Variants in DGKG observed in about 807,000 individuals in gnomAD.
The protein encoded by DGKG is diacylglycerol kinase gamma, also known as DAG kinase gamma.
DGKG carries 78 observed loss-of-function variants against 105.3 expected under a neutral mutation model. That is an observed-to-expected ratio of 0.74 (90% CI 0.62 to 0.89). The LOEUF is 0.89. Among genes scored for constraint, DGKG ranks in the 40% least tolerant of loss-of-function variants. The probability of loss-of-function intolerance (pLI) is 0.00; values close to 1 mark genes in which losing one functional copy is unlikely to be tolerated. For missense variants in DGKG, 958 were observed against 1,020.1 expected, an observed-to-expected ratio of 0.94 and a Z score of 0.83; for synonymous variants, 346 against 367.1, an observed-to-expected ratio of 0.94 and a Z score of 0.66.
intron 2 of DGKG, among the ~76,000 whole-genome samples, chr3:186,318,578 G>A (rs1193535578): frequency 6.6e-6 from 1 of 152,104 alleles, no homozygotes; most frequent in Non-Finnish European, 1.5e-5. Context: ...AGTCATGACC[G>A]AATGGGGGGA....
chr3:186,280,569 T>C, intron 8 of DGKG, 101 bp downstream of exon 8: 1 of 893,468 alleles, frequency 1.1e-6, no homozygotes, highest in Non-Finnish European at 1.8e-6. Context: ...AAGATGAGTC[T>C]GGGAGCACCT....
At chr3:186,193,787 C>T (rs1229578362) in intron 21 of DGKG, among the ~76,000 whole-genome samples, 1 of 152,258 alleles carries the variant, frequency 6.6e-6, no homozygotes, top group East Asian at 1.9e-4. Context: ...GGCCCCCTCC[C>T]CCTGCTCCGG....
intron 1 of DGKG, among the ~76,000 whole-genome samples, chr3:186,340,099 T>C (rs1355733751): frequency 1.3e-5 from 2 of 152,156 alleles, no homozygotes; most frequent in African/African-American, 4.8e-5. Context: ...CCCTTGAGTG[T>C]CCTCATAAAA....
chr3:186,182,104 C>T (rs1560083863), intron 22 of DGKG, among the ~76,000 whole-genome samples: 1 of 152,256 alleles, frequency 6.6e-6, no homozygotes, highest in Non-Finnish European at 1.5e-5. Context: ...CCTCCCCTTG[C>T]TTCACTGGAC....
At chr3:186,350,089 C>A (rs1726554756) in intron 1 of DGKG, among the ~76,000 whole-genome samples, 1 of 152,014 alleles carries the variant, frequency 6.6e-6, no homozygotes, top group South Asian at 2.1e-4. Flanking sequence ...GGGACTTCAT[C>A]ATGTTGGCCA....
intron 13 of DGKG, among the ~76,000 whole-genome samples, chr3:186,265,806 G>A (rs1427989868): frequency 6.6e-6 from 1 of 151,816 alleles, no homozygotes; most frequent in Non-Finnish European, 1.5e-5. Flanking sequence ...GGGACTACAG[G>A]TGCGTGCCAC....
intron 6 of DGKG, among the ~76,000 whole-genome samples, chr3:186,288,376 C>T (rs1558909): frequency 0.54 from 82,470 of 152,038 alleles, 22,515 homozygotes; most frequent in East Asian, 0.79. Flanking sequence ...GAGGAGGTAG[C>T]AGTTTTCTGA....
At chr3:186,240,750 C>T (rs1012895331) in intron 20 of DGKG, among the ~76,000 whole-genome samples, 8 of 149,570 alleles carry the variant, frequency 5.3e-5, no homozygotes, top group Admixed American at 4.7e-4. Context: ...GTGGAAGTTG[C>T]AGTGAGCCAA....
In DGKG at chr3:186,149,563, C is replaced by T. The variant is rs963750675; in HGVS notation, c.*527G>A. 1.5e-5 allele frequency: 15 copies of T among 985,466 alleles called. No individual in the cohort carries two copies. Among genetic ancestry groups the T allele is most frequent in the East Asian group, 1.1e-4 (1 of 8,832 alleles). 61.0% of individuals were successfully genotyped at this position (985,466 alleles called of 1,614,324 possible). On this transcript the variant is annotated 3_prime_UTR_variant, in exon 25 of 25. Coordinates refer to ENST00000265022, the MANE Select transcript of DGKG (RefSeq NM_001346.3). Reference sequence around the variant, plus strand: ...AAAGGACGACCAAGAAACCAACGTGCGCCTGCTGAGCCCTGCCAAGGATTA... The same window carrying T: ...AAAGGACGACCAAGAAACCAACGTGTGCCTGCTGAGCCCTGCCAAGGATTA...
In DGKG at chr3:186,298,214, C is replaced by T. The variant is rs1723692207; in HGVS notation, c.160G>A (p.Val54Ile). The change falls in exon 4 of 25, where the codon GTC becomes ATC. Residue 54 changes from valine (V) to isoleucine (I), a missense_variant. By Grantham distance (29) the Val-to-Ile change is conservative. Transcript: ENST00000265022. The stretch of plus-strand genomic sequence containing the variant: ...TACGCCCTCATGAACAGCTTGAAGA[C>T]ATCATAGCTAATCGGCTGAGAAGGG... ...YDPHEPISYD[V>I]FKLFMRAYLE... 8 of 1,603,008 alleles carry T rather than the reference C, an allele frequency of 5.0e-6. No individual in the cohort carries two copies. The highest frequency in any genetic ancestry group is 2.2e-5 in the East Asian group (1 of 44,604).
At chr3:186,195,621 G>A (rs1188937163) in intron 21 of DGKG, among the ~76,000 whole-genome samples, 1 of 152,130 alleles carries the variant, frequency 6.6e-6, no homozygotes, top group Non-Finnish European at 1.5e-5. Context: ...GATTCAAGAG[G>A]TCTGGGTGCG....
intron 5 of DGKG, among the ~76,000 whole-genome samples, chr3:186,294,532 G>C (rs1257683546): frequency 1.1e-5 from 1 of 88,848 alleles, no homozygotes; most frequent in Non-Finnish European, 2.2e-5. Flanking sequence ...GTGAAACTCT[G>C]TCTCAAAAAA....
intron 2 of DGKG, among the ~76,000 whole-genome samples, chr3:186,317,459 A>G (rs1191573427): frequency 6.6e-6 from 1 of 152,316 alleles, no homozygotes; most frequent in East Asian, 1.9e-4. Flanking sequence ...CTTAGAAAGC[A>G]GGATTCCCCA....
At chr3:186,151,678 T>C (rs11927327) in intron 24 of DGKG, among the ~76,000 whole-genome samples, 19,665 of 152,180 alleles carry the variant, frequency 0.13, 3,903 homozygotes, top group African/African-American at 0.43. Flanking sequence ...TGGCATTCTG[T>C]GCTGGAGAAT....
At chr3:186,286,411 G>C (rs758017726) in intron 6 of DGKG, among the ~76,000 whole-genome samples, 18 of 152,122 alleles carry the variant, frequency 1.2e-4, no homozygotes, top group Non-Finnish European at 1.8e-4. Context: ...AACTAGAAAG[G>C]CCTGAGTAAG....
intron 24 of DGKG, among the ~76,000 whole-genome samples, chr3:186,151,671 C>T (rs972990821): frequency 6.6e-6 from 1 of 152,094 alleles, no homozygotes; most frequent in Non-Finnish European, 1.5e-5. Flanking sequence ...TGAGAGATGG[C>T]ATTCTGTGCT....
At chr3:186,280,105 A>G in intron 8 of DGKG, 132 bp from the exon 9 acceptor site, 1 of 1,201,246 alleles carries the variant, frequency 8.3e-7, no homozygotes, top group South Asian at 1.4e-5. Flanking sequence ...GTTAAGTGTG[A>G]ATAGAGCAGA....
chr3:186,206,720 T>G (rs1463444031), intron 21 of DGKG, among the ~76,000 whole-genome samples: 3 of 151,448 alleles, frequency 2.0e-5, no homozygotes, highest in African/African-American at 2.4e-5. Context: ...AGGGTGAGGG[T>G]GGGGGTGTGG....
intron 19 of DGKG, among the ~76,000 whole-genome samples, chr3:186,249,167 G>A (rs1308678327): frequency 1.3e-5 from 2 of 152,062 alleles, no homozygotes; most frequent in Admixed American, 6.6e-5. Context: ...TCACTGGAGG[G>A]GGCACCTGGA....
Sources: allele counts gnomAD v4.1 joint callset (sites outside exome capture counted in the v4.1 genomes callset), GRCh38; gene constraint gnomAD v4.1.1; transcripts MANE v1.5; gene names NCBI Gene and HGNC (gene_info 2026-07-23, HGNC 2026-07-21).